Variants in NRXN1 observed in about 807,000 individuals in gnomAD.
NRXN1 encodes neurexin 1, also known as neurexin-1.
A neutral mutation model predicts 150.9 loss-of-function variants in NRXN1; 39 were observed. The ratio of observed to expected loss-of-function variants is 0.26; its 90% CI spans 0.20 to 0.34. The LOEUF is 0.34. Ranked by LOEUF, NRXN1 falls within the 10% of genes least tolerant of loss-of-function variation. The probability of loss-of-function intolerance (pLI) is 1.00; values close to 1 mark genes in which losing one functional copy is unlikely to be tolerated. For missense variants in NRXN1, 1,815 were observed against 1,949.9 expected (o/e 0.93, Z 1.30); for synonymous variants, 924 against 757.0 (o/e 1.22, Z -3.62).
In NRXN1 at chr2:50,163,905, C is replaced by T. The variant is rs17040071; in HGVS notation, c.3547-72411G>A. Among the ~76,000 whole-genome samples the T allele has an allele frequency of 9.4e-3, 1,425 of 152,252 alleles. 25 individuals are homozygous for T. Among genetic ancestry groups the T allele is most frequent in the African/African-American group, 0.033 (1,369 of 41,546 alleles). On this transcript the variant is annotated intron_variant, in intron 18 of 22. Coordinates refer to ENST00000401669, the MANE Select transcript of NRXN1 (RefSeq NM_001330078.2). ...CTATACTTTATCTTATTGCAACTAC[C>T]ACTTTGAGCTAAGTACACAGAGCTT...
At chr2:50,224,693 A>AAG (rs201700032) in intron 18 of NRXN1, among the ~76,000 whole-genome samples, 12,058 of 129,976 alleles carry the variant, frequency 0.093, 580 homozygotes, top group East Asian at 0.27. Flanking sequence ...GAGAGGGAGA[A>AAG]AGAGAGAGAG....
At chr2:50,324,568 A>G (rs2076263842) in intron 17 of NRXN1, among the ~76,000 whole-genome samples, 1 of 152,174 alleles carries the variant, frequency 6.6e-6, no homozygotes, top group Non-Finnish European at 1.5e-5. Context: ...TTTGAGACGG[A>G]GTCTCGCTCT....
At chr2:50,802,840 A>G (rs566014891) in intron 5 of NRXN1, among the ~76,000 whole-genome samples, 2 of 152,216 alleles carry the variant, frequency 1.3e-5, no homozygotes, top group African/African-American at 4.8e-5. Flanking sequence ...GAAGACAGAG[A>G]ACTGGAGAAA....
intron 18 of NRXN1, among the ~76,000 whole-genome samples, chr2:50,188,901 G>A (rs984181465): frequency 6.6e-5 from 10 of 152,150 alleles, no homozygotes; most frequent in African/African-American, 1.2e-4. Flanking sequence ...AAATAGGATC[G>A]CTCTTAAACT....
chr2:50,743,266 C>T (rs577587298), intron 5 of NRXN1, among the ~76,000 whole-genome samples: 18 of 152,096 alleles, frequency 1.2e-4, no homozygotes, highest in Non-Finnish European at 2.4e-4. Flanking sequence ...GCCTCGGTTT[C>T]CTTCTAGGAA....
At chr2:50,379,349 A>G (rs566089178) in intron 17 of NRXN1, among the ~76,000 whole-genome samples, 2 of 152,246 alleles carry the variant, frequency 1.3e-5, no homozygotes, top group Non-Finnish European at 2.9e-5. Context: ...CTGGAAAAAA[A>G]GGGGATGGAA....
chr2:50,034,748 A>G (rs540900236), intron 21 of NRXN1, among the ~76,000 whole-genome samples: 1 of 152,212 alleles, frequency 6.6e-6, no homozygotes, highest in South Asian at 2.1e-4. Context: ...GTGGTTTTGT[A>G]TATGACTCAA....
At chr2:50,518,912 G>A (rs1461187116) in intron 12 of NRXN1, among the ~76,000 whole-genome samples, 5 of 151,660 alleles carry the variant, frequency 3.3e-5, no homozygotes, top group Admixed American at 3.3e-4. Flanking sequence ...GCATATTAGA[G>A]AAAAAAACCC....
At chr2:50,353,284 G>T (rs2078554663) in intron 17 of NRXN1, among the ~76,000 whole-genome samples, 1 of 152,128 alleles carries the variant, frequency 6.6e-6, no homozygotes, top group Non-Finnish European at 1.5e-5. Flanking sequence ...ATAACTGCAA[G>T]TTCAAGTGTT....
At chr2:50,173,476 C>A (rs539653097) in intron 18 of NRXN1, among the ~76,000 whole-genome samples, 1 of 152,122 alleles carries the variant, frequency 6.6e-6, no homozygotes, top group South Asian at 2.1e-4. Flanking sequence ...GTACAGTATC[C>A]AAAACTAGCA....
intron 3 of NRXN1, 44 bp from the exon 4 acceptor site, chr2:50,922,731 A>C: frequency 6.2e-7 from 1 of 1,601,048 alleles, no homozygotes; most frequent in Non-Finnish European, 8.5e-7. Flanking sequence ...ACAAGGGAGC[A>C]TGGGAAGGCA....
chr2:50,678,356 T>A (rs1415929890), intron 5 of NRXN1, among the ~76,000 whole-genome samples: 2 of 152,218 alleles, frequency 1.3e-5, no homozygotes, highest in East Asian at 3.8e-4. Flanking sequence ...TCCCATGGTT[T>A]GTTATTGACT....
intron 13 of NRXN1, among the ~76,000 whole-genome samples, chr2:50,502,688 C>G (rs1399086689): frequency 6.6e-6 from 1 of 152,020 alleles, no homozygotes; most frequent in Non-Finnish European, 1.5e-5. Context: ...AATAACGAAA[C>G]AATGTTGTAG....
chr2:50,006,121 T>C (rs558352998), intron 21 of NRXN1, among the ~76,000 whole-genome samples: 1 of 152,266 alleles, frequency 6.6e-6, no homozygotes, highest in African/African-American at 2.4e-5. Context: ...GCTTGTTCCC[T>C]TTCTCTTTGG....
chr2:50,768,241 G>C (rs1386656455), intron 5 of NRXN1, among the ~76,000 whole-genome samples: 1 of 151,970 alleles, frequency 6.6e-6, no homozygotes, highest in Non-Finnish European at 1.5e-5. Context: ...GAAGTATGTG[G>C]GATATTTTAA....
intron 5 of NRXN1, among the ~76,000 whole-genome samples, chr2:50,879,119 G>A (rs1679049372): frequency 6.6e-6 from 1 of 151,856 alleles, no homozygotes; most frequent in South Asian, 2.1e-4. Flanking sequence ...GTGGCTGTAC[G>A]TTATCCAATC....
intron 8 of NRXN1, among the ~76,000 whole-genome samples, chr2:50,568,940 A>C (rs1215069805): frequency 1.3e-5 from 2 of 152,170 alleles, no homozygotes; most frequent in African/African-American, 2.4e-5. Flanking sequence ...GTATATATAC[A>C]CAATGAATAA....
intron 5 of NRXN1, among the ~76,000 whole-genome samples, chr2:50,786,506 G>A (rs551016897): frequency 1.8e-4 from 27 of 152,188 alleles, no homozygotes; most frequent in African/African-American, 6.5e-4. Flanking sequence ...AACAAATGAA[G>A]ACTAATGATC....
At chr2:50,931,931 G>A (rs1316940850) in intron 2 of NRXN1, among the ~76,000 whole-genome samples, 3 of 151,676 alleles carry the variant, frequency 2.0e-5, no homozygotes, top group Non-Finnish European at 4.4e-5. Context: ...TCACCGTGTT[G>A]GCTCACTGCA....
Sources: gnomAD v4.1 joint callset for allele counts (sites outside exome capture counted in the v4.1 genomes callset) on GRCh38, gnomAD v4.1.1 for gene constraint, MANE v1.5 for transcripts, NCBI Gene and HGNC (gene_info 2026-07-23, HGNC 2026-07-21) for gene names.